PANX1: variants seen among roughly 807,000 people sequenced by gnomAD.
PANX1 encodes the protein pannexin-1.
A neutral mutation model predicts 38.7 loss-of-function variants in PANX1; 30 were observed. That is an observed-to-expected ratio of 0.78 (90% confidence interval 0.58 to 1.05). The LOEUF (loss-of-function observed/expected upper bound fraction) is 1.05. Ranked by LOEUF, PANX1 falls within the 50% of genes least tolerant of loss-of-function variation. The pLI is 0.00. For missense variants in PANX1, 551 were observed against 517.2 expected (o/e 1.07, Z -0.63); for synonymous variants, 230 against 212.2 (o/e 1.08, Z -0.73).
chr11:94,157,254 G>A (rs947857018), intron 2 of PANX1, among the ~76,000 whole-genome samples: 3 of 151,848 alleles, frequency 2.0e-5, no homozygotes, highest in African/African-American at 7.3e-5. Context: ...GTAATGGGAT[G>A]GCTGGGATGG....
At chr11:94,176,172 A>T (rs1347147562) in intron 2 of PANX1, among the ~76,000 whole-genome samples, 1 of 151,706 alleles carries the variant, frequency 6.6e-6, no homozygotes, top group African/African-American at 2.4e-5. Flanking sequence ...ACTACTTCAA[A>T]GTTTCAATAG....
At chr11:94,137,101 C>G (rs988182697) in intron 1 of PANX1, among the ~76,000 whole-genome samples, 5 of 152,078 alleles carry the variant, frequency 3.3e-5, no homozygotes, top group Non-Finnish European at 7.4e-5. Context: ...GTCAAGAGAT[C>G]GAGACCATCC....
rs1342259995 is a variant in PANX1, at chr11:94,136,507, G to A, written c.181+7014G>A. ...AAAACTTGATACATATCGGCCGGGC[G>A]CGGTGACTCATGCTTGTAATCCCAG... On this transcript the variant is annotated intron_variant, in intron 1 of 4. Transcript: ENST00000227638. 5.9e-5 allele frequency among the ~76,000 whole-genome samples: 9 copies of A among 152,202 alleles called. No homozygotes were observed. The East Asian group carries it at 7.7e-4, about 13-fold the overall frequency.
intron 1 of PANX1, among the ~76,000 whole-genome samples, chr11:94,143,893 C>T (rs910210628): frequency 2.0e-5 from 3 of 151,972 alleles, no homozygotes; most frequent in Admixed American, 6.6e-5. Flanking sequence ...GGACCACAGG[C>T]GCACGCCACC....
chr11:94,156,607 T>C (rs1946951304), intron 2 of PANX1, among the ~76,000 whole-genome samples: 1 of 152,166 alleles, frequency 6.6e-6, no homozygotes, highest in Non-Finnish European at 1.5e-5. Flanking sequence ...AGATCGGGGA[T>C]TACGAGTGTC....
At chr11:94,157,498 C>T (rs1263889987) in intron 2 of PANX1, among the ~76,000 whole-genome samples, 1 of 152,146 alleles carries the variant, frequency 6.6e-6, no homozygotes, top group East Asian at 1.9e-4. Context: ...TGATGATGAG[C>T]ATTTTTTCAT....
chr11:94,179,666 A>G lies in PANX1; in HGVS notation c.610A>G (p.Lys204Glu). The stretch of plus-strand genomic sequence containing the variant: ...TGTGGAGCAGTACTTGAAGACAAAG[A>G]AAAATTCTAATAATTTAATCATCAA... Reference protein sequence around the residue: ...PIVEQYLKTKKNSNNLIIKYI... With the variant: ...PIVEQYLKTKENSNNLIIKYI... The change falls in exon 4 of 5, where the codon AAA becomes GAA. Residue 204 changes from lysine (K) to glutamate (E), a missense_variant. Physicochemically the swap from Lys to Glu is moderately conservative, Grantham distance 56. Transcript: ENST00000227638. 2.5e-6 allele frequency: 4 copies of G among 1,613,648 alleles called. No individual in the cohort carries two copies. The South Asian group carries it at 4.4e-5, about 18-fold the overall frequency.
chr11:94,168,109 T>G (rs530789127), intron 2 of PANX1, among the ~76,000 whole-genome samples: 2 of 152,208 alleles, frequency 1.3e-5, no homozygotes, highest in South Asian at 4.2e-4. Context: ...TCACAATTTT[T>G]TTTCCCTTTT....
intron 2 of PANX1, among the ~76,000 whole-genome samples, chr11:94,157,145 G>C (rs1451710190): frequency 3.9e-5 from 6 of 152,082 alleles, no homozygotes; most frequent in Non-Finnish European, 5.9e-5. Context: ...CATTTGGGTT[G>C]GTTCCAAGTC....
intron 2 of PANX1, among the ~76,000 whole-genome samples, chr11:94,156,989 G>A (rs1591515723): frequency 6.7e-6 from 1 of 150,100 alleles, no homozygotes; most frequent in Non-Finnish European, 1.5e-5. Context: ...TGGTTTTTTT[G>A]TCCTTGCGAT....
At chr11:94,145,632 A>G (rs1946820724) in intron 1 of PANX1, among the ~76,000 whole-genome samples, 1 of 152,220 alleles carries the variant, frequency 6.6e-6, no homozygotes, top group Non-Finnish European at 1.5e-5. Flanking sequence ...CTCCTGAGTT[A>G]TTGCAATAGA....
chr11:94,140,721 C>T (rs952942803), intron 1 of PANX1, among the ~76,000 whole-genome samples: 1 of 152,066 alleles, frequency 6.6e-6, no homozygotes, highest in Non-Finnish European at 1.5e-5. Flanking sequence ...CCCCTTTACA[C>T]CCTTAAAATT....
At chr11:94,136,486 C>T (rs1024646397) in intron 1 of PANX1, among the ~76,000 whole-genome samples, 1 of 152,182 alleles carries the variant, frequency 6.6e-6, no homozygotes. Flanking sequence ...GTCCTTAAAA[C>T]TTGATACATA....
At chr11:94,178,640 C>G in intron 3 of PANX1, 48 bp downstream of exon 3, 1 of 1,425,746 alleles carries the variant, frequency 7.0e-7, no homozygotes, top group Non-Finnish European at 9.9e-7. Context: ...AGGACAAATT[C>G]TCTGCCCTTC....
chr11:94,130,658 A>G (rs1473104871), intron 1 of PANX1, among the ~76,000 whole-genome samples: 2 of 152,158 alleles, frequency 1.3e-5, no homozygotes. Flanking sequence ...AGAGGGTGTG[A>G]AGAGTGGAAG....
intron 1 of PANX1, among the ~76,000 whole-genome samples, chr11:94,132,026 C>T (rs1946636104): frequency 6.6e-6 from 1 of 152,298 alleles, no homozygotes; most frequent in East Asian, 1.9e-4. Context: ...CTGCTTCCCT[C>T]TCTGGTGCTT....
At chr11:94,180,356 AC>A in intron 4 of PANX1, 99 bp downstream of exon 4, 1 of 1,067,210 alleles carries the variant, frequency 9.4e-7, no homozygotes, top group East Asian at 2.5e-5. Context: ...CATCATTTAA[AC>A]CATTTCCAAG....
intron 1 of PANX1, among the ~76,000 whole-genome samples, chr11:94,143,376 A>T (rs1363072737): frequency 6.6e-6 from 1 of 152,210 alleles, no homozygotes; most frequent in Non-Finnish European, 1.5e-5. Context: ...GAAATTCATG[A>T]TAAGTGCATG....
At position 94,171,456 on chromosome 11, in the gene PANX1, C is replaced by A. The variant is rs1210212172; in HGVS notation, c.322-6913C>A. On this transcript the variant is annotated intron_variant, in intron 2 of 4. Transcript: ENST00000227638. ...TGACCATGTCTTGTTTATCCATGTA[C>A]CCCTGAGACAATGCGTAGTCCATAG... Among the ~76,000 whole-genome samples, 4 of 151,628 alleles carry A rather than the reference C, an allele frequency of 2.6e-5. 1 individual carries two copies. The highest frequency in any genetic ancestry group is 9.8e-5 in the African/African-American group (4 of 40,944).
Sources: gnomAD v4.1 joint callset for allele counts (sites outside exome capture counted in the v4.1 genomes callset) on GRCh38, gnomAD v4.1.1 for gene constraint, MANE v1.5 for transcripts, NCBI Gene and HGNC (gene_info 2026-07-23, HGNC 2026-07-21) for gene names.